The following EFNA5 variants were observed in gnomAD, a reference collection of about 807,000 sequenced individuals.
EFNA5 encodes the protein ephrin A5.
EFNA5 carries 5 observed loss-of-function variants against 22.9 expected under a neutral mutation model. That is an observed-to-expected ratio of 0.22 (90% CI 0.11 to 0.46). The LOEUF (loss-of-function observed/expected upper bound fraction) is 0.46. EFNA5 is among the 20% of genes least tolerant of loss of function. The pLI, the probability that EFNA5 is intolerant of heterozygous loss-of-function variation, is 0.99. For synonymous variants in EFNA5, 113 were observed against 112.2 expected (o/e 1.01, Z -0.04); for missense variants, 237 against 293.3 (o/e 0.81, Z 1.40).
At chr5:107,461,492 G>A (rs1038646743) in intron 1 of EFNA5, among the ~76,000 whole-genome samples, 2 of 151,828 alleles carry the variant, frequency 1.3e-5, no homozygotes, top group Non-Finnish European at 2.9e-5. Context: ...ATAGAGGGGG[G>A]AAAAAAAGAC....
chr5:107,615,221 A>C (rs1749888347), intron 1 of EFNA5, among the ~76,000 whole-genome samples: 1 of 152,148 alleles, frequency 6.6e-6, no homozygotes, highest in Non-Finnish European at 1.5e-5. Flanking sequence ...GGCTTGTCAG[A>C]CTAAAGTAGC....
chr5:107,621,170 GGC>G (rs761727759), intron 1 of EFNA5, among the ~76,000 whole-genome samples: 2 of 152,212 alleles, frequency 1.3e-5, no homozygotes, highest in Non-Finnish European at 2.9e-5. Context: ...GTGGCAGACA[GGC>G]CTGGCAGAAG....
chr5:107,657,419 A>G (rs1247052257), intron 1 of EFNA5, among the ~76,000 whole-genome samples: 9 of 152,144 alleles, frequency 5.9e-5, no homozygotes, highest in African/African-American at 2.2e-4. Context: ...TGTCACCCCC[A>G]AATTCACTGT....
In EFNA5 at chr5:107,437,352, A is replaced by G. The variant is rs185696258; in HGVS notation, c.126-9843T>C. Among the ~76,000 whole-genome samples the G allele has an allele frequency of 2.5e-3, 382 of 152,310 alleles. 2 individuals carry two copies. The highest frequency in any genetic ancestry group is 8.8e-3 in the African/African-American group (367 of 41,554). On this transcript the variant is annotated intron_variant, in intron 1 of 4. Coordinates refer to ENST00000333274, the MANE Select transcript of EFNA5 (RefSeq NM_001962.3). ...CTATGGAAATTGGCACGTGCAAGGT[A>G]ATTACTTCTATTTGGCCAGTTAGGA...
chr5:107,535,333 C>T (rs1397373491), intron 1 of EFNA5, among the ~76,000 whole-genome samples: 1 of 152,176 alleles, frequency 6.6e-6, no homozygotes, highest in Non-Finnish European at 1.5e-5. Flanking sequence ...AAAAAGTAGG[C>T]AATTTGCCAG....
intron 1 of EFNA5, among the ~76,000 whole-genome samples, chr5:107,628,109 G>C (rs1210423451): frequency 2.0e-5 from 3 of 152,148 alleles, no homozygotes; most frequent in Non-Finnish European, 2.9e-5. Context: ...AACACTGTGA[G>C]ATAGGTATTG....
At chr5:107,556,139 T>C (rs1455826128) in intron 1 of EFNA5, among the ~76,000 whole-genome samples, 1 of 152,242 alleles carries the variant, frequency 6.6e-6, no homozygotes, top group Non-Finnish European at 1.5e-5. Context: ...AAACTGCCTT[T>C]GTGGATAAAC....
chr5:107,435,100 G>A (rs1749071489), intron 1 of EFNA5, among the ~76,000 whole-genome samples: 1 of 152,186 alleles, frequency 6.6e-6, no homozygotes, highest in East Asian at 1.9e-4. Flanking sequence ...AGAACAAGAT[G>A]TCTGTTTTTA....
At chr5:107,660,585 T>C (rs1030180512) in intron 1 of EFNA5, among the ~76,000 whole-genome samples, 2 of 152,036 alleles carry the variant, frequency 1.3e-5, no homozygotes, top group East Asian at 1.9e-4. Context: ...AGTACAAAGA[T>C]TTCATTTCAA....
chr5:107,594,642 A>G (rs1016934356), intron 1 of EFNA5, among the ~76,000 whole-genome samples: 7 of 152,164 alleles, frequency 4.6e-5, no homozygotes, highest in Non-Finnish European at 1.0e-4. Flanking sequence ...GTGGTGTGGA[A>G]CTTCATTTAT....
At chr5:107,501,509 T>C (rs559867537) in intron 1 of EFNA5, among the ~76,000 whole-genome samples, 14 of 152,222 alleles carry the variant, frequency 9.2e-5, no homozygotes, top group African/African-American at 3.1e-4. Flanking sequence ...ATAAACCAAA[T>C]TGCCCTGATT....
intron 1 of EFNA5, among the ~76,000 whole-genome samples, chr5:107,519,192 G>C (rs765943014): frequency 6.6e-6 from 1 of 152,306 alleles, no homozygotes; most frequent in East Asian, 1.9e-4. Context: ...TGTTGCCCAT[G>C]CAAAGTTTTA....
chr5:107,503,246 A>T (rs1747176254), intron 1 of EFNA5, among the ~76,000 whole-genome samples: 2 of 152,214 alleles, frequency 1.3e-5, no homozygotes, highest in African/African-American at 2.4e-5. Flanking sequence ...TAATGAAGTC[A>T]TCTGCCTTCG....
chr5:107,403,574 TAA>T (rs1748140043), intron 2 of EFNA5, among the ~76,000 whole-genome samples: 1 of 152,224 alleles, frequency 6.6e-6, no homozygotes, highest in Non-Finnish European at 1.5e-5. Context: ...TTCACAATAA[TAA>T]AATAGTTATT....
At chr5:107,446,961 C>A (rs152592) in intron 1 of EFNA5, among the ~76,000 whole-genome samples, 2 of 151,890 alleles carry the variant, frequency 1.3e-5, no homozygotes, top group African/African-American at 4.8e-5. Flanking sequence ...AACTGCCTTC[C>A]CAAAAGTGAA....
At chr5:107,444,647 G>A (rs750791933) in intron 1 of EFNA5, among the ~76,000 whole-genome samples, 13 of 152,166 alleles carry the variant, frequency 8.5e-5, no homozygotes, top group Non-Finnish European at 1.6e-4. Flanking sequence ...AAATAGAAGC[G>A]CAATTTGAGA....
At chr5:107,413,692 T>TA (rs1275855868) in intron 2 of EFNA5, among the ~76,000 whole-genome samples, 2 of 152,296 alleles carry the variant, frequency 1.3e-5, no homozygotes, top group African/African-American at 4.8e-5. Flanking sequence ...TATTTTATGA[T>TA]AAAAAATTTT....
intron 1 of EFNA5, among the ~76,000 whole-genome samples, chr5:107,641,155 C>T (rs1452922198): frequency 2.0e-5 from 3 of 151,932 alleles, no homozygotes; most frequent in Admixed American, 6.6e-5. Context: ...GTCAGGAGTT[C>T]GAGACCAGCC....
intron 1 of EFNA5, among the ~76,000 whole-genome samples, chr5:107,537,193 A>G (rs1479545505): frequency 6.6e-6 from 1 of 152,060 alleles, no homozygotes; most frequent in Non-Finnish European, 1.5e-5. Context: ...TTGGTTTATA[A>G]GCTAAAAACA....
Sources: allele counts gnomAD v4.1 joint callset (sites outside exome capture counted in the v4.1 genomes callset), GRCh38; gene constraint gnomAD v4.1.1; transcripts MANE v1.5; gene names NCBI Gene and HGNC (gene_info 2026-07-23, HGNC 2026-07-21).